The following OTOG variants were observed in gnomAD, a reference collection of about 807,000 sequenced individuals.
OTOG encodes otogelin.
In OTOG, 296 loss-of-function variants were observed where a neutral mutation model predicts 313.8. That is an observed-to-expected ratio of 0.94 (90% CI 0.86 to 1.04). The LOEUF is 1.04. OTOG is among the 50% of genes least tolerant of loss of function. The probability of loss-of-function intolerance (pLI) is 0.00; values close to 1 mark genes in which losing one functional copy is unlikely to be tolerated. For missense variants in OTOG, 3,948 were observed against 3,840.1 expected (o/e 1.03, Z -0.74); for synonymous variants, 1,533 against 1,554.9 (o/e 0.99, Z 0.33).
rs953890195 is a variant in OTOG at position 17,641,828 on chromosome 11, A to T, written c.8191-19A>T. The T allele has an allele frequency of 1.3e-6, 2 of 1,535,636 alleles. No homozygotes were observed. The highest frequency in any genetic ancestry group is 2.8e-5 in the African/African-American group (2 of 72,526). ...GGAGGTGGGCATCTGGCTGAGGCCC[A>T]CCCCGCCCTGGCCTGTAGAACCAGG... On this transcript the variant is annotated intron_variant, in intron 51 of 55. Coordinates refer to ENST00000399397, the MANE Select transcript of OTOG (RefSeq NM_001292063.2).
intron 54 of OTOG, among the ~76,000 whole-genome samples, chr11:17,643,839 C>A (rs1054282308): frequency 6.6e-6 from 1 of 152,224 alleles, no homozygotes; most frequent in Non-Finnish European, 1.5e-5. Context: ...AGCCCAGATG[C>A]TCCCACATAA....
intron 49 of OTOG, among the ~76,000 whole-genome samples, 176 bp from the exon 50 acceptor site, chr11:17,640,569 C>T (rs1170679081): frequency 3.9e-5 from 6 of 152,210 alleles, no homozygotes; most frequent in African/African-American, 1.4e-4. Flanking sequence ...ATTGGGGAGG[C>T]CTGGTAGCCA....
chr11:17,568,046 T>C (rs1347762969), intron 15 of OTOG, among the ~76,000 whole-genome samples: 4 of 152,158 alleles, frequency 2.6e-5, no homozygotes, highest in Admixed American at 6.5e-5. Context: ...TAACTGGGAC[T>C]ACAGGCACCC....
chr11:17,573,168 A>G lies in OTOG; in HGVS notation c.2171A>G (p.Gln724Arg), dbSNP rs760250562. 8.4e-6 allele frequency: 13 copies of G among 1,543,260 alleles called. No individual in the cohort carries two copies. Among genetic ancestry groups the G allele is most frequent in the Middle Eastern group, 1.7e-4 (1 of 6,012 alleles). Reference sequence around the variant, plus strand: ...CTGAGCCCCGTGCCCTACTTTGAGCAGTGCCGCAGGGATGCCTGCCGCTGC... The same window carrying G: ...CTGAGCCCCGTGCCCTACTTTGAGCGGTGCCGCAGGGATGCCTGCCGCTGC... ...AFLSPVPYFE[Q>R]CRRDACRCGQ... Residue 724 changes from glutamine (Q) to arginine (R), a missense_variant, in exon 19 of 56, where the codon CAG becomes CGG. Transcript: ENST00000399397.
At position 17,611,194 on chromosome 11, in the gene OTOG, C is replaced by G; in HGVS notation, c.5894C>G (p.Ala1965Gly). The G allele has an allele frequency of 6.4e-7, 1 of 1,550,562 alleles. No individual in the cohort carries two copies. Among genetic ancestry groups the G allele is most frequent in the Non-Finnish European group, 8.7e-7 (1 of 1,146,998 alleles). The change falls in exon 36 of 56, where the codon GCC becomes GGC. Residue 1965 changes from alanine (A) to glycine (G), a missense_variant. Physicochemically the swap from Ala to Gly is moderately conservative, Grantham distance 60. Transcript: ENST00000399397. ...GTALPVPTSYALSRVSARTAP... is the reference protein window; with the variant it reads ...GTALPVPTSYGLSRVSARTAP... ...GCTCTGCCAGTGCCCACATCCTATG[C>G]CCTGAGCCGTGTCTCAGCCAGGACG...
In OTOG at chr11:17,608,426, G is replaced by A. The variant is rs1188930108; in HGVS notation, c.4274+13G>A. 10 of 1,510,768 alleles carry A rather than the reference G, an allele frequency of 6.6e-6. No individual in the cohort carries two copies. Among genetic ancestry groups the A allele is most frequent in the Non-Finnish European group, 8.9e-6 (10 of 1,126,014 alleles). The allele number at this position is 1,510,768 out of a possible 1,614,324, so 93.6% of individuals were successfully genotyped here. A position where few individuals can be genotyped will look rare whatever the true frequency, so the allele number is the denominator to read the frequency against. ...GGGACGTACCCAGGTGAGATGCCAG[G>A]GGCTGTGGGCATGGAGCCAAGGTGT... On this transcript the variant is annotated intron_variant, in intron 34 of 55. Transcript: ENST00000399397.
chr11:17,609,121 T>A lies in OTOG; in HGVS notation c.4275-9T>A. 1 of 1,549,792 alleles carries A rather than the reference T, an allele frequency of 6.5e-7. No homozygotes were observed. The highest frequency in any genetic ancestry group is 1.2e-5 in the South Asian group (1 of 84,034). ...CAGGCCTTTAAACTGCTCCCTGCTC[T>A]GTCCTCAGGGTAGAAGGCTGTGTCC... On this transcript the variant is annotated splice_polypyrimidine_tract_variant and intron_variant, in intron 34 of 55. Transcript: ENST00000399397.
At chr11:17,634,981 G>T in intron 45 of OTOG, 33 bp downstream of exon 45, 3 of 1,530,300 alleles carry the variant, frequency 2.0e-6, no homozygotes, top group Non-Finnish European at 2.7e-6. Flanking sequence ...GGTGGGGGAC[G>T]GACTGAGGGC....
rs533213395 is a variant in OTOG at position 17,565,512 on chromosome 11, G to T, written c.1645-3644G>T. On this transcript the variant is annotated intron_variant, in intron 15 of 55. Coordinates refer to ENST00000399397, the MANE Select transcript of OTOG (RefSeq NM_001292063.2). ...ACTCCTTTTTCCCCCTTTCCATACT[G>T]TTCTTTTTGGAAGGAAGTCACTATG... is the stretch of plus-strand genomic sequence containing the variant. 3.3e-5 allele frequency among the ~76,000 whole-genome samples: 5 copies of T among 152,144 alleles called. No homozygotes were observed. In the South Asian group the frequency reaches 1.0e-3, roughly 32 times the overall value.
intron 25 of OTOG, 124 bp downstream of exon 25, chr11:17,591,712 T>C (rs543628633): frequency 2.4e-6 from 3 of 1,259,250 alleles, no homozygotes; most frequent in South Asian, 1.5e-5. Flanking sequence ...GGTGGGGCTA[T>C]CTAGAGACTG....
At position 17,569,279 on chromosome 11, in the gene OTOG, T is replaced by C. The variant is rs1852357182; in HGVS notation, c.1768T>C (p.Tyr590His). 2 of 1,550,590 alleles carry C rather than the reference T, an allele frequency of 1.3e-6. No homozygotes were observed. Among genetic ancestry groups the C allele is most frequent in the Non-Finnish European group, 1.7e-6 (2 of 1,146,994 alleles). Residue 590 changes from tyrosine (Y) to histidine (H), a missense_variant, in exon 16 of 56, where the codon TAC (tyrosine) becomes CAC (histidine). Transcript: ENST00000399397. ...TGACCAGTACAAGATCATCCCGCCATACACAGATGGTACGGTTTGGGGTGG... is the reference window on the plus strand; with the variant it reads ...TGACCAGTACAAGATCATCCCGCCACACACAGATGGTACGGTTTGGGGTGG... Reference protein sequence around the residue: ...LFDQYKIIPPYTDDAFEIRRL... With the variant: ...LFDQYKIIPPHTDDAFEIRRL...
Position 17,635,127 on chromosome 11 carries a change from C to G in OTOG, c.7633C>G (p.Gln2545Glu). 1 of 1,549,374 alleles carries G rather than the reference C, an allele frequency of 6.5e-7. No individual in the cohort carries two copies. The highest frequency in any genetic ancestry group is 8.7e-7 in the Non-Finnish European group (1 of 1,146,726). ...GGCAGAGCTGGTCCCCAGCTGCCGACAGGACCAGATCCTGATCACGGGCCG... is the reference window on the plus strand; with the variant it reads ...GGCAGAGCTGGTCCCCAGCTGCCGAGAGGACCAGATCCTGATCACGGGCCG... The part of the protein sequence containing the change: ...CEAELVPSCR[Q>E]DQILITGRLG... Residue 2545 changes from glutamine (Q) to glutamate (E), a missense_variant, in exon 46 of 56, where the codon CAG (glutamine) becomes GAG (glutamate). Transcript: ENST00000399397.
chr11:17,552,019 C>T lies in OTOG; in HGVS notation c.236C>T (p.Ser79Phe), dbSNP rs1213772917. ...CACAAGCAGGCTGAAGCCCCAGACT[C>T]CGTGGCCATGTCTTCCTGGGAAAGG... Reference protein sequence around the residue: ...VGGQQAEAPDSVAMSSWERRL... With the variant: ...VGGQQAEAPDFVAMSSWERRL... The change falls in exon 4 of 56, where the codon TCC (serine) becomes TTC (phenylalanine). Residue 79 changes from serine (S) to phenylalanine (F), a missense_variant. By Grantham distance (155) the Ser-to-Phe change is radical (BLOSUM62 -2). Coordinates refer to ENST00000399397, the MANE Select transcript of OTOG (RefSeq NM_001292063.2). The T allele has an allele frequency of 6.4e-7, 1 of 1,550,524 alleles. No homozygotes were observed. Among genetic ancestry groups the T allele is most frequent in the Non-Finnish European group, 8.7e-7 (1 of 1,146,914 alleles).
chr11:17,588,837 C>G (rs1466723806), intron 24 of OTOG, among the ~76,000 whole-genome samples: 1 of 152,040 alleles, frequency 6.6e-6, no homozygotes, highest in Non-Finnish European at 1.5e-5. Context: ...TCACCCAGCC[C>G]ATATCCCAAT....
intron 23 of OTOG, among the ~76,000 whole-genome samples, chr11:17,582,130 T>A (rs1852683261): frequency 6.6e-6 from 1 of 152,238 alleles, no homozygotes; most frequent in African/African-American, 2.4e-5. Flanking sequence ...GACATCTATG[T>A]ATATATCATC....
chr11:17,552,220 C>G, intron 4 of OTOG, 145 bp downstream of exon 4: 1 of 797,466 alleles, frequency 1.3e-6, no homozygotes, highest in Admixed American at 2.2e-5. Context: ...CCACTCTGGC[C>G]CCGGCCACCA....
At chr11:17,641,168 A>T (rs999742822) in intron 51 of OTOG, 77 bp downstream of exon 51, 1 of 1,437,394 alleles carries the variant, frequency 7.0e-7, no homozygotes, top group African/African-American at 1.4e-5. Flanking sequence ...CAGGAGCCAG[A>T]GGGGCCCTTG....
Position 17,591,535 on chromosome 11 carries a change from T to G in OTOG, c.2953T>G (p.Phe985Val), listed in dbSNP as rs1400500949. Residue 985 changes from phenylalanine to valine, a missense_variant, in exon 25 of 56, where the codon TTT becomes GTT. By Grantham distance (50) the Phe-to-Val change is conservative. Coordinates refer to ENST00000399397, the MANE Select transcript of OTOG (RefSeq NM_001292063.2). ...CTATGGGGACCGGCATTACCGCACGTTTGATGGGCTCCCGTTTGACTTCGT... is the reference window on the plus strand; with the variant it reads ...CTATGGGGACCGGCATTACCGCACGGTTGATGGGCTCCCGTTTGACTTCGT... ...TAYGDRHYRT[F>V]DGLPFDFVGA... 5.2e-6 allele frequency: 8 copies of G among 1,550,584 alleles called. No homozygotes were observed. Among genetic ancestry groups the G allele is most frequent in the African/African-American group, 1.4e-5 (1 of 73,070 alleles).
At chr11:17,613,099 A>G (rs974700598) in intron 38 of OTOG, among the ~76,000 whole-genome samples, 5 of 152,204 alleles carry the variant, frequency 3.3e-5, no homozygotes, top group African/African-American at 4.8e-5. Context: ...TGCTGGCTGC[A>G]GGGAATCTCC....
Sources: allele counts gnomAD v4.1 joint callset (sites outside exome capture counted in the v4.1 genomes callset), GRCh38; gene constraint gnomAD v4.1.1; transcripts MANE v1.5; gene names NCBI Gene and HGNC (gene_info 2026-07-23, HGNC 2026-07-21).